The following PPP2R5E variants were observed in gnomAD, a reference collection of about 807,000 sequenced individuals.
The protein encoded by PPP2R5E is protein phosphatase 2 regulatory subunit B'epsilon.
A neutral mutation model predicts 65.3 loss-of-function variants in PPP2R5E; 4 were observed. The ratio of observed to expected loss-of-function variants is 0.06; its 90% CI spans 0.03 to 0.14. The LOEUF (loss-of-function observed/expected upper bound fraction) is 0.14, where lower values mean the gene tolerates loss of function less well. PPP2R5E is among the 10% of genes least tolerant of loss of function. The probability of loss-of-function intolerance (pLI) is 1.00; values close to 1 mark genes in which losing one functional copy is unlikely to be tolerated. For missense variants in PPP2R5E, 274 were observed against 556.1 expected, an observed-to-expected ratio of 0.49 and a Z score of 5.10; for synonymous variants, 183 against 187.4, an observed-to-expected ratio of 0.98 and a Z score of 0.19.
intron 2 of PPP2R5E, among the ~76,000 whole-genome samples, chr14:63,465,904 A>C (rs1237439095): frequency 6.6e-6 from 1 of 152,206 alleles, no homozygotes; most frequent in Non-Finnish European, 1.5e-5. Flanking sequence ...CTTCAAGAAA[A>C]AAGATTATTT....
chr14:63,508,795 T>G (rs555973848), intron 2 of PPP2R5E, among the ~76,000 whole-genome samples: 1 of 152,360 alleles, frequency 6.6e-6, no homozygotes, highest in South Asian at 2.1e-4. Flanking sequence ...GCTTTCCAGC[T>G]TTCTAATTCA....
intron 2 of PPP2R5E, among the ~76,000 whole-genome samples, chr14:63,537,143 T>C (rs1034933282): frequency 2.0e-5 from 3 of 152,148 alleles, no homozygotes; most frequent in African/African-American, 4.8e-5. Context: ...ACAAAACCAA[T>C]ACCCTGACTA....
At chr14:63,469,673 G>A (rs1184919695) in intron 2 of PPP2R5E, among the ~76,000 whole-genome samples, 7 of 152,188 alleles carry the variant, frequency 4.6e-5, no homozygotes, top group Admixed American at 2.6e-4. Flanking sequence ...CAGCCTGGGC[G>A]ACAGAGCAAG....
chr14:63,472,010 GC>G lies in PPP2R5E; in HGVS notation c.158-18126del, dbSNP rs201297969. On this transcript the variant is annotated intron_variant, in intron 2 of 13. Coordinates refer to ENST00000337537, the MANE Select transcript of PPP2R5E (RefSeq NM_006246.5). ...CTGTTATTTCTGTTAATATTTAAAA[GC>G]CCCCTTAGGCTGGGCACAGTGACTC... 1.3e-3 allele frequency among the ~76,000 whole-genome samples: 195 copies of G among 152,230 alleles called. 3 individuals are homozygous for G. The highest frequency in any genetic ancestry group is 6.8e-3 in the East Asian group (35 of 5,182).
At chr14:63,464,885 T>C (rs987069151) in intron 2 of PPP2R5E, among the ~76,000 whole-genome samples, 8 of 151,844 alleles carry the variant, frequency 5.3e-5, no homozygotes, top group African/African-American at 1.5e-4. Context: ...TAGCCAGGTG[T>C]GGTGGCATGT....
intron 3 of PPP2R5E, among the ~76,000 whole-genome samples, chr14:63,442,882 T>TC (rs964923093): frequency 3.9e-5 from 6 of 152,028 alleles, no homozygotes; most frequent in African/African-American, 1.2e-4. Context: ...ATTTCATATT[T>TC]CCCCCCGGCA....
chr14:63,530,141 A>T (rs569861151), intron 2 of PPP2R5E, among the ~76,000 whole-genome samples: 12 of 151,918 alleles, frequency 7.9e-5, no homozygotes, highest in Non-Finnish European at 1.3e-4. Flanking sequence ...ATATAATTTT[A>T]GGAGGGTCTA....
At chr14:63,390,818 T>A (rs1425141910) in intron 10 of PPP2R5E, among the ~76,000 whole-genome samples, 1 of 152,218 alleles carries the variant, frequency 6.6e-6, no homozygotes, top group African/African-American at 2.4e-5. Flanking sequence ...ATTTTCCACA[T>A]GGTTGCTAAC....
intron 3 of PPP2R5E, among the ~76,000 whole-genome samples, chr14:63,442,801 A>G (rs1888300595): frequency 1.3e-5 from 2 of 152,194 alleles, no homozygotes. Flanking sequence ...GTCTTGTAAC[A>G]TATCCCCATG....
chr14:63,508,870 T>C (rs1892337425), intron 2 of PPP2R5E, among the ~76,000 whole-genome samples: 1 of 152,240 alleles, frequency 6.6e-6, no homozygotes, highest in Non-Finnish European at 1.5e-5. Context: ...CCAGTGAAAG[T>C]TACCTTAAGG....
chr14:63,523,298 C>G (rs886738328), intron 2 of PPP2R5E, among the ~76,000 whole-genome samples: 2 of 152,082 alleles, frequency 1.3e-5, no homozygotes, highest in Admixed American at 6.5e-5. Context: ...AGTGAGAAAT[C>G]GGATGGTTGC....
chr14:63,378,289 C>T (rs1884104422), intron 13 of PPP2R5E, among the ~76,000 whole-genome samples: 1 of 152,106 alleles, frequency 6.6e-6, no homozygotes, highest in Non-Finnish European at 1.5e-5. Flanking sequence ...GTTCACATTG[C>T]CCTAATTTGC....
At chr14:63,399,448 C>T (rs948334447) in intron 5 of PPP2R5E, among the ~76,000 whole-genome samples, 1 of 121,696 alleles carries the variant, frequency 8.2e-6, no homozygotes, top group Non-Finnish European at 1.6e-5. Context: ...GGCGCTATCT[C>T]GGCTTACTGA....
At chr14:63,388,113 T>G (rs1332433093) in intron 11 of PPP2R5E, among the ~76,000 whole-genome samples, 1 of 115,498 alleles carries the variant, frequency 8.7e-6, no homozygotes, top group Admixed American at 7.6e-5. Flanking sequence ...GGTGATGCTC[T>G]TTTTTTTTTT....
At chr14:63,427,625 A>G (rs1887411794) in intron 3 of PPP2R5E, among the ~76,000 whole-genome samples, 1 of 152,102 alleles carries the variant, frequency 6.6e-6, no homozygotes, top group Non-Finnish European at 1.5e-5. Flanking sequence ...TCTATTAAAA[A>G]AAGAAAGAAA....
intron 5 of PPP2R5E, among the ~76,000 whole-genome samples, chr14:63,410,321 G>GA (rs1328785591): frequency 1.3e-5 from 2 of 152,144 alleles, no homozygotes; most frequent in Non-Finnish European, 2.9e-5. Context: ...TGTCATAAGA[G>GA]AAACACACTA....
intron 2 of PPP2R5E, among the ~76,000 whole-genome samples, chr14:63,480,007 T>C (rs746255197): frequency 6.6e-6 from 1 of 152,200 alleles, no homozygotes; most frequent in Non-Finnish European, 1.5e-5. Context: ...TTTTGTAATA[T>C]AAATATTAAA....
intron 3 of PPP2R5E, among the ~76,000 whole-genome samples, chr14:63,423,752 G>C: frequency 6.6e-6 from 1 of 152,198 alleles, no homozygotes; most frequent in East Asian, 1.9e-4. Context: ...TAATTATTAA[G>C]TGCCTATTAC....
chr14:63,419,031 G>A (rs1479875831), intron 4 of PPP2R5E, among the ~76,000 whole-genome samples: 1 of 151,942 alleles, frequency 6.6e-6, no homozygotes, highest in Non-Finnish European at 1.5e-5. Flanking sequence ...ATTTTTCATA[G>A]AGGCGAGGTT....
Sources: gnomAD v4.1 joint callset for allele counts (sites outside exome capture counted in the v4.1 genomes callset) on GRCh38, gnomAD v4.1.1 for gene constraint, MANE v1.5 for transcripts, NCBI Gene and HGNC (gene_info 2026-07-23, HGNC 2026-07-21) for gene names.